The following ALDH9A1 variants were observed in gnomAD, a reference collection of about 807,000 sequenced individuals.
ALDH9A1 encodes the protein aldehyde dehydrogenase 9 family member A1.
Under a neutral mutation model 56.6 loss-of-function variants are expected in ALDH9A1, and 42 were observed. That is an observed-to-expected ratio of 0.74 (90% CI 0.58 to 0.96). ALDH9A1 has a LOEUF of 0.96. Ranked by LOEUF, ALDH9A1 falls within the 40% of genes least tolerant of loss-of-function variation. The pLI is 0.00. For synonymous variants in ALDH9A1, 242 were observed against 236.0 expected (o/e 1.03, Z -0.23); for missense variants, 661 against 651.5 (o/e 1.01, Z -0.16).
intron 6 of ALDH9A1, among the ~76,000 whole-genome samples, chr1:165,675,002 G>C (rs1465666493): frequency 6.6e-6 from 1 of 152,142 alleles, no homozygotes; most frequent in Non-Finnish European, 1.5e-5. Flanking sequence ...AGACCAGCCT[G>C]GCCAACATGG....
Position 165,665,876 on chromosome 1 carries a change from T to C in ALDH9A1, c.1350-746A>G, listed in dbSNP as rs536212273. Among the ~76,000 whole-genome samples, 34 of 152,130 alleles carry C rather than the reference T, an allele frequency of 2.2e-4. No homozygotes were observed. The East Asian group carries it at 6.6e-3, about 29-fold the overall frequency. On this transcript the variant is annotated intron_variant, in intron 9 of 10. Coordinates refer to ENST00000354775, the MANE Select transcript of ALDH9A1 (RefSeq NM_000696.4). ...TTCCTCAAAAAGTTAAACATAAAGT[T>C]ACCATGTTACCCAGCAATTCACTAC... is the stretch of plus-strand genomic sequence containing the variant.
intron 2 of ALDH9A1, among the ~76,000 whole-genome samples, chr1:165,690,583 G>A (rs2101755602): frequency 6.6e-6 from 1 of 152,270 alleles, no homozygotes; most frequent in Admixed American, 6.5e-5. Context: ...GGAAGCACAA[G>A]GGGTCAGGGA....
intron 10 of ALDH9A1, among the ~76,000 whole-genome samples, chr1:165,663,937 T>C (rs772412263): frequency 2.0e-5 from 3 of 152,202 alleles, no homozygotes; most frequent in South Asian, 4.1e-4. Flanking sequence ...TCATTCCACA[T>C]AGCATGGTCT....
In ALDH9A1 at chr1:165,667,355, T is replaced by C. The variant is rs1649039107; in HGVS notation, c.1303A>G (p.Arg435Gly). Residue 435 changes from arginine (R) to glycine (G), a missense_variant, in exon 9 of 11, where the codon AGA becomes GGA. Arg to Gly is a moderately radical substitution (Grantham distance 125). Coordinates refer to ENST00000354775, the MANE Select transcript of ALDH9A1 (RefSeq NM_000696.4). Reference sequence around the variant, plus strand: ...AGTCCAAAAGTGGTATCATTGGCTCTTTCTAGAACCTCAGCTTCAGTGTCA... The same window carrying C: ...AGTCCAAAAGTGGTATCATTGGCTCCTTCTAGAACCTCAGCTTCAGTGTCA... ...SFDTEAEVLERANDTTFGLAA... is the reference protein window; with the variant it reads ...SFDTEAEVLEGANDTTFGLAA... 6.2e-6 allele frequency: 10 copies of C among 1,614,028 alleles called. No homozygotes were observed. The highest frequency in any genetic ancestry group is 7.6e-6 in the Non-Finnish European group (9 of 1,180,002).
intron 1 of ALDH9A1, among the ~76,000 whole-genome samples, chr1:165,696,993 T>C (rs1250534374): frequency 6.6e-6 from 1 of 152,246 alleles, no homozygotes; most frequent in Non-Finnish European, 1.5e-5. Flanking sequence ...GATGGTCAAA[T>C]ACTAAATTCT....
chr1:165,681,863 C>T (rs1649560174), intron 4 of ALDH9A1, among the ~76,000 whole-genome samples: 2 of 152,030 alleles, frequency 1.3e-5, no homozygotes, highest in Admixed American at 6.5e-5. Context: ...TTTTCATATA[C>T]AAAATTAAAT....
intron 2 of ALDH9A1, among the ~76,000 whole-genome samples, chr1:165,693,167 T>G (rs991489250): frequency 3.3e-5 from 5 of 152,194 alleles, no homozygotes; most frequent in Non-Finnish European, 1.5e-5. Flanking sequence ...AAGGACTTCA[T>G]GACTAAAACA....
chr1:165,681,592 C>T (rs1006263896), intron 4 of ALDH9A1, among the ~76,000 whole-genome samples: 1 of 152,184 alleles, frequency 6.6e-6, no homozygotes, highest in African/African-American at 2.4e-5. Flanking sequence ...GTCTTCTTTC[C>T]TCAAAGATTC....
chr1:165,679,403 G>C (rs1243722736), intron 6 of ALDH9A1, 39 bp downstream of exon 6: 1 of 1,607,522 alleles, frequency 6.2e-7, no homozygotes, highest in South Asian at 1.1e-5. Flanking sequence ...TGAGGGGGTA[G>C]AGATTCCTTT....
chr1:165,669,176 A>G, intron 7 of ALDH9A1, 86 bp downstream of exon 7: 1 of 1,379,490 alleles, frequency 7.2e-7, no homozygotes, highest in East Asian at 2.3e-5. Flanking sequence ...AGTCATACGA[A>G]TATTAACATG....
At position 165,698,532 on chromosome 1, in the gene ALDH9A1, C is replaced by T; in HGVS notation, c.27G>A (p.Ala9=). Residue 9 remains alanine, a synonymous_variant, in exon 1 of 11, where the codon GCG becomes GCA. Coordinates refer to ENST00000354775, the MANE Select transcript of ALDH9A1 (RefSeq NM_000696.4). ...GAAGACTGCGAAGAAGCGGGGAGAG[C>T]GCGGCCAGGCCTGCTCGGAGAAACA... The part of the protein sequence containing the change: MFLRAGLA[A]LSPLLRSLRP... 2.5e-6 allele frequency: 4 copies of T among 1,609,110 alleles called. No individual in the cohort carries two copies. Among genetic ancestry groups the T allele is most frequent in the Non-Finnish European group, 3.4e-6 (4 of 1,178,398 alleles).
rs1049756118 is a variant in ALDH9A1, at chr1:165,662,403, T to C, written c.*647A>G. ...AAAGTGCTTACTAGGCAAGTTCACA[T>C]TCACACAGAATTTGACCCCATCTAT... is the stretch of plus-strand genomic sequence containing the variant. On this transcript the variant is annotated 3_prime_UTR_variant, in exon 11 of 11. Coordinates refer to ENST00000354775, the MANE Select transcript of ALDH9A1 (RefSeq NM_000696.4). The C allele has an allele frequency of 5.3e-5, 8 of 152,358 alleles. No homozygotes were observed. The highest frequency in any genetic ancestry group is 1.7e-4 in the African/African-American group (7 of 41,460). The allele number at this position is 152,358 out of a possible 1,614,324, so 9.4% of individuals were successfully genotyped here. A position where few individuals can be genotyped will look rare whatever the true frequency, so the allele number is the denominator to read the frequency against.
At chr1:165,686,249 C>T (rs1448861245) in intron 2 of ALDH9A1, among the ~76,000 whole-genome samples, 1 of 152,140 alleles carries the variant, frequency 6.6e-6, no homozygotes, top group Admixed American at 6.5e-5. Flanking sequence ...CCTACAATTG[C>T]TGGAGTCTAC....
chr1:165,675,090 G>A (rs1649307380), intron 6 of ALDH9A1, among the ~76,000 whole-genome samples: 1 of 152,282 alleles, frequency 6.6e-6, no homozygotes, highest in Admixed American at 6.5e-5. Flanking sequence ...AGCTACTTGG[G>A]AGGGTGAGGC....
At chr1:165,675,089 G>A (rs1272852579) in intron 6 of ALDH9A1, among the ~76,000 whole-genome samples, 1 of 152,140 alleles carries the variant, frequency 6.6e-6, no homozygotes, top group Admixed American at 6.5e-5. Context: ...CAGCTACTTG[G>A]GAGGGTGAGG....
Position 165,669,325 on chromosome 1 carries a change from A to G in ALDH9A1, c.1056T>C (p.Gly352=). ...CCAGGTGTGGTCGGTTGATGAGTGG[A>G]CCCATCCTTGTATCTTCCAGAAGGG... The part of the protein sequence containing the change: ...GDPLLEDTRM[G]PLINRPHLER... The change falls in exon 7 of 11, where the codon GGT becomes GGC. Residue 352 remains glycine (G), a synonymous_variant. Coordinates refer to ENST00000354775, the MANE Select transcript of ALDH9A1 (RefSeq NM_000696.4). The G allele has an allele frequency of 6.2e-7, 1 of 1,613,970 alleles. No homozygotes were observed. The highest frequency in any genetic ancestry group is 2.2e-5 in the East Asian group (1 of 44,870).
At chr1:165,682,950 A>T in intron 3 of ALDH9A1, 31 bp downstream of exon 3, 1 of 1,607,222 alleles carries the variant, frequency 6.2e-7, no homozygotes, top group Non-Finnish European at 8.5e-7. Context: ...CCTCATTATC[A>T]GCTGGTCACA....
intron 6 of ALDH9A1, among the ~76,000 whole-genome samples, chr1:165,670,285 T>G (rs1649135124): frequency 6.6e-6 from 1 of 151,938 alleles, no homozygotes; most frequent in Non-Finnish European, 1.5e-5. Flanking sequence ...ACATAAAAAT[T>G]AGTTGGGTGT....
At chr1:165,676,864 C>T (rs1222479596) in intron 6 of ALDH9A1, 1 of 253,234 alleles carries the variant, frequency 3.9e-6, no homozygotes, top group Non-Finnish European at 7.5e-6. Context: ...TGTCCTCTCC[C>T]CCAAAAAAAT....
Sources: allele counts gnomAD v4.1 joint callset (sites outside exome capture counted in the v4.1 genomes callset), GRCh38; gene constraint gnomAD v4.1.1; transcripts MANE v1.5; gene names NCBI Gene and HGNC (gene_info 2026-07-23, HGNC 2026-07-21).